The following HSP90B1 variants were observed in gnomAD, a reference collection of about 807,000 sequenced individuals.
HSP90B1 encodes the protein endoplasmin.
In HSP90B1, 27 loss-of-function variants were observed where a neutral mutation model predicts 100.4. The ratio of observed to expected loss-of-function variants is 0.27; its 90% confidence interval spans 0.20 to 0.37. HSP90B1 has a LOEUF of 0.37. Among genes scored for constraint, HSP90B1 ranks in the 10% least tolerant of loss-of-function variants. The pLI is 1.00. For missense variants in HSP90B1, 678 were observed against 960.5 expected (o/e 0.71, Z 3.89); for synonymous variants, 304 against 330.8 (o/e 0.92, Z 0.88).
At chr12:103,939,379 A>G in intron 7 of HSP90B1, 130 bp from the exon 8 acceptor site, 1 of 396,008 alleles carries the variant, frequency 2.5e-6, no homozygotes, top group Non-Finnish European at 4.3e-6. Flanking sequence ...CTAGGATTAC[A>G]GGCGTGAGCC....
chr12:103,947,444 A>G lies in HSP90B1; in HGVS notation c.2382+14A>G. 6.2e-7 allele frequency: 1 copy of G among 1,614,144 alleles called. No homozygotes were observed. The highest frequency in any genetic ancestry group is 2.2e-5 in the East Asian group (1 of 44,878). On this transcript the variant is annotated intron_variant, in intron 17 of 17. Coordinates refer to ENST00000299767, the MANE Select transcript of HSP90B1 (RefSeq NM_003299.3). ...GAAACAGCAAAGGTATGGCAAATCA[A>G]GAATGTGACTTGCATTTTCAGTTCT...
chr12:103,936,479 A>G (rs965067067), intron 5 of HSP90B1, among the ~76,000 whole-genome samples: 27 of 152,104 alleles, frequency 1.8e-4, no homozygotes, highest in African/African-American at 6.3e-4. Context: ...CCATCTCCAC[A>G]AAAATAAAAA....
intron 2 of HSP90B1, 196 bp downstream of exon 2, chr12:103,931,819 A>G: frequency 1.6e-6 from 1 of 629,458 alleles, no homozygotes. Flanking sequence ...TTCCTTTGAA[A>G]ACTATATTGC....
In HSP90B1 at chr12:103,943,037, C is replaced by T; in HGVS notation, c.1645-37C>T. 4 of 1,609,296 alleles carry T rather than the reference C, an allele frequency of 2.5e-6. No individual in the cohort carries two copies. ...CTAGGATAAACAAATACACCAGGGC[C>T]AGACTTGGAAAACTTTGTGACTTCT... On this transcript the variant is annotated intron_variant, in intron 12 of 17. Coordinates refer to ENST00000299767, the MANE Select transcript of HSP90B1 (RefSeq NM_003299.3). This position sits in a 1 kb window ranked among gnomAD's most constrained non-coding sequence, Gnocchi z 5.3.
rs1369656141 is a variant in HSP90B1 at position 103,930,514 on chromosome 12, C to T, written c.-2C>T. On this transcript the variant is annotated 5_prime_UTR_variant, in exon 1 of 18. Coordinates refer to ENST00000299767, the MANE Select transcript of HSP90B1 (RefSeq NM_003299.3). The surrounding 1 kb of genome is among the most constrained non-coding windows in gnomAD (Gnocchi z 4.4). ...GGACTTGAGACTCACCGGCCGCACG[C>T]CATGAGGGCCCTGTGGGTGCTGGGC... 3 of 1,607,152 alleles carry T rather than the reference C, an allele frequency of 1.9e-6. No homozygotes were observed. Among genetic ancestry groups the T allele is most frequent in the Non-Finnish European group, 1.7e-6 (2 of 1,176,996 alleles).
At chr12:103,944,135 C>A (rs759997134) in intron 14 of HSP90B1, among the ~76,000 whole-genome samples, 13 of 152,162 alleles carry the variant, frequency 8.5e-5, no homozygotes, top group Non-Finnish European at 1.5e-4. Context: ...ATAGTCTTTA[C>A]TTTTGCATTG....
intron 14 of HSP90B1, among the ~76,000 whole-genome samples, chr12:103,946,330 C>A (rs180754086): frequency 6.6e-6 from 1 of 152,044 alleles, no homozygotes; most frequent in South Asian, 2.1e-4. Flanking sequence ...CTGTGGAACC[C>A]GTGTATATGA....
In HSP90B1 at chr12:103,939,509, G is replaced by A. The variant is rs762534225; in HGVS notation, c.976G>A (p.Val326Ile). ...TAATCAAATACTATAATAACTTCAG[G>A]TTGAAAAAACTGTCTGGGACTGGGA... ...EEEKKPKTKKVEKTVWDWELM... is the reference protein window; with the variant it reads ...EEEKKPKTKKIEKTVWDWELM... Residue 326 changes from valine to isoleucine, a missense_variant and splice_region_variant, in exon 8 of 18, where the codon GTT becomes ATT. Transcript: ENST00000299767. 77 of 1,473,906 alleles carry A rather than the reference G, an allele frequency of 5.2e-5. No homozygotes were observed. Among genetic ancestry groups the A allele is most frequent in the Non-Finnish European group, 6.8e-5 (74 of 1,081,390 alleles). 91.3% of individuals were successfully genotyped at this position (1,473,906 alleles called of 1,614,324 possible).
chr12:103,938,583 C>G, intron 7 of HSP90B1, 124 bp downstream of exon 7: 2 of 1,071,896 alleles, frequency 1.9e-6, no homozygotes, highest in Non-Finnish European at 2.7e-6. Context: ...TCCATGGAGC[C>G]AGCTTTTAAA....
intron 5 of HSP90B1, among the ~76,000 whole-genome samples, chr12:103,935,381 A>G (rs1204014983): frequency 6.6e-6 from 1 of 152,194 alleles, no homozygotes; most frequent in Non-Finnish European, 1.5e-5. Context: ...AGATGAGGAA[A>G]TTCTATTTCA....
rs754915804 is a variant in HSP90B1 at position 103,947,644 on chromosome 12, T to C, written c.2394T>C (p.Ala798=). Residue 798 remains alanine (A), a synonymous_variant, in exon 18 of 18, where the codon GCT becomes GCC. Coordinates refer to ENST00000299767, the MANE Select transcript of HSP90B1 (RefSeq NM_003299.3). Reference sequence around the variant, plus strand: ...TTATTTATTTACAGGAATCTACAGCTGAAAAAGATGAATTGTAAATTATAC... The same window carrying C: ...TTATTTATTTACAGGAATCTACAGCCGAAAAAGATGAATTGTAAATTATAC... The part of the protein sequence containing the change: ...EEEETAKEST[A]EKDEL The C allele has an allele frequency of 1.3e-6, 2 of 1,593,670 alleles. No homozygotes were observed. The highest frequency in any genetic ancestry group is 1.7e-6 in the Non-Finnish European group (2 of 1,165,508).
At position 103,947,755 on chromosome 12, in the gene HSP90B1, A is replaced by G; in HGVS notation, c.*93A>G. ...AGAGACTTGTTTTGGATGCCCCCTA[A>G]TCCCCTTCTCCCCTGCACTGTAAAA... On this transcript the variant is annotated 3_prime_UTR_variant, in exon 18 of 18. Coordinates refer to ENST00000299767, the MANE Select transcript of HSP90B1 (RefSeq NM_003299.3). 1 of 1,055,668 alleles carries G rather than the reference A, an allele frequency of 9.5e-7. No homozygotes were observed. The highest frequency in any genetic ancestry group is 1.5e-6 in the Non-Finnish European group (1 of 672,184). The allele number at this position is 1,055,668 out of a possible 1,614,324, so 65.4% of individuals were successfully genotyped here.
chr12:103,935,198 G>A (rs906877032), intron 5 of HSP90B1, among the ~76,000 whole-genome samples: 2 of 152,300 alleles, frequency 1.3e-5, no homozygotes, highest in African/African-American at 4.8e-5. Flanking sequence ...AATAAAATAC[G>A]TCATTTAAGG....
chr12:103,941,434 A>G lies in HSP90B1; in HGVS notation c.1117A>G (p.Ile373Val), dbSNP rs1170738721. 1 of 1,612,650 alleles carries G rather than the reference A, an allele frequency of 6.2e-7. No individual in the cohort carries two copies. The highest frequency in any genetic ancestry group is 8.5e-7 in the Non-Finnish European group (1 of 1,179,878). The change falls in exon 9 of 18, where the codon ATT becomes GTT. Residue 373 changes from isoleucine (I) to valine (V), a missense_variant. Coordinates refer to ENST00000299767, the MANE Select transcript of HSP90B1 (RefSeq NM_003299.3). ...SKESDDPMAY[I>V]HFTAEGEVTF... Reference sequence around the variant, plus strand: ...GGAAAGTGATGACCCCATGGCTTATATTCACTTTACTGCTGAAGGGGAAGT... The same window carrying G: ...GGAAAGTGATGACCCCATGGCTTATGTTCACTTTACTGCTGAAGGGGAAGT...
rs750530495 is a variant in HSP90B1 at position 103,934,272 on chromosome 12, G to A, written c.728G>A (p.Arg243Gln). Reference protein sequence around the residue: ...IADPRGNTLGRGTTITLVLKE... With the variant: ...IADPRGNTLGQGTTITLVLKE... ...GACCCAAGAGGAAACACTCTAGGAC[G>A]GGGAACGACAATTACGTGAGTATGA... is the stretch of plus-strand genomic sequence containing the variant. Residue 243 changes from arginine (R) to glutamine (Q), a missense_variant, in exon 5 of 18, where the codon CGG becomes CAG. Physicochemically the swap from Arg to Gln is conservative, Grantham distance 43 (BLOSUM62 1). This residue lies in a region of HSP90B1 where 238 missense variants were observed against 346.7 expected (regional missense o/e 0.69). Transcript: ENST00000299767. 4 of 1,612,670 alleles carry A rather than the reference G, an allele frequency of 2.5e-6. No individual in the cohort carries two copies. Among genetic ancestry groups the A allele is most frequent in the Non-Finnish European group, 3.4e-6 (4 of 1,178,790 alleles).
At chr12:103,939,358 CTCCCAA>C in intron 7 of HSP90B1, 145 bp from the exon 8 acceptor site, 6 of 360,148 alleles carry the variant, frequency 1.7e-5, no homozygotes, top group South Asian at 1.1e-4. Context: ...CTACCCTAAC[CTCCCAA>C]AGTGCTAGGA....
intron 11 of HSP90B1, among the ~76,000 whole-genome samples, 191 bp from the exon 12 acceptor site, chr12:103,942,336 G>A (rs1870103874): frequency 6.6e-6 from 1 of 152,190 alleles, no homozygotes. Context: ...AGGCAATCTT[G>A]TGGCTATTTG....
intron 3 of HSP90B1, 128 bp from the exon 4 acceptor site, chr12:103,932,698 A>T: frequency 1.5e-6 from 1 of 686,858 alleles, no homozygotes; most frequent in East Asian, 2.5e-5. Flanking sequence ...ATACCTGAAG[A>T]TCACTGTTAG....
intron 2 of HSP90B1, 29 bp downstream of exon 2, chr12:103,931,652 A>AGATAAGCC (rs1184821237): frequency 6.7e-7 from 1 of 1,496,850 alleles, no homozygotes; most frequent in African/African-American, 1.4e-5. Flanking sequence ...TTACGTATAC[A>AGATAAGCC]GATAAGCCGT....
Sources: allele counts gnomAD v4.1 joint callset (sites outside exome capture counted in the v4.1 genomes callset), GRCh38; gene constraint gnomAD v4.1.1; regional missense constraint gnomAD v4.1.1; non-coding constraint Gnocchi (gnomAD v3.1); transcripts MANE v1.5; gene names NCBI Gene and HGNC (gene_info 2026-07-23, HGNC 2026-07-21).